The following RUFY3 variants were observed in gnomAD, a reference collection of about 807,000 sequenced individuals.
RUFY3 encodes protein RUFY3.
Under a neutral mutation model 84.0 loss-of-function variants are expected in RUFY3, and 34 were observed. That is an observed-to-expected ratio of 0.40 (90% confidence interval 0.31 to 0.54). The LOEUF is 0.54. RUFY3 is among the 20% of genes least tolerant of loss of function. The pLI, the probability that RUFY3 is intolerant of heterozygous loss-of-function variation, is 0.39. For synonymous variants in RUFY3, 242 were observed against 252.9 expected, an observed-to-expected ratio of 0.96 and a Z score of 0.41; for missense variants, 507 against 736.8, an observed-to-expected ratio of 0.69 and a Z score of 3.61.
intron 1 of RUFY3, among the ~76,000 whole-genome samples, chr4:70,741,434 C>T (rs1019313270): frequency 1.3e-5 from 2 of 152,054 alleles, no homozygotes; most frequent in Non-Finnish European, 2.9e-5. Flanking sequence ...ATTTAATAAC[C>T]GTAGTTGCTA....
intron 17 of RUFY3, 116 bp from the exon 18 acceptor site, chr4:70,806,400 C>A: frequency 8.5e-7 from 1 of 1,178,822 alleles, no homozygotes; most frequent in Non-Finnish European, 1.2e-6. Flanking sequence ...ACATAGTAAA[C>A]ATTCAGTCAT....
rs914478393 is a variant in RUFY3, at chr4:70,742,720, A to T, written c.179-19799A>T. Among the ~76,000 whole-genome samples, 4 of 152,188 alleles carry T rather than the reference A, an allele frequency of 2.6e-5. No individual in the cohort carries two copies. In the East Asian group the frequency reaches 7.7e-4, roughly 29 times the overall value. ...TGTCTTAAACTTCTTGGTATCCTTAATCAGACCTGGGACGAGTACTGCCCT... is the reference window on the plus strand; with the variant it reads ...TGTCTTAAACTTCTTGGTATCCTTATTCAGACCTGGGACGAGTACTGCCCT... On this transcript the variant is annotated intron_variant, in intron 1 of 17. Transcript: ENST00000381006.
chr4:70,750,297 G>A (rs1722923379), intron 1 of RUFY3, among the ~76,000 whole-genome samples: 1 of 152,022 alleles, frequency 6.6e-6, no homozygotes, highest in Admixed American at 6.6e-5. Context: ...TTTTGTTTCT[G>A]GAGCATTTTA....
In RUFY3 at chr4:70,808,146, T is replaced by G. The variant is rs1285012576; in HGVS notation, c.*1487T>G. Among the ~76,000 whole-genome samples the G allele has an allele frequency of 6.6e-6, 1 of 152,208 alleles. No individual in the cohort carries two copies. Among genetic ancestry groups the G allele is most frequent in the Non-Finnish European group, 1.5e-5 (1 of 68,032 alleles). Reference sequence around the variant, plus strand: ...ATTTGCATGGATTCAACATAGTGCTTGGTGTTCAGTAAATTCAAGTTTTGC... The same window carrying G: ...ATTTGCATGGATTCAACATAGTGCTGGGTGTTCAGTAAATTCAAGTTTTGC... On this transcript the variant is annotated 3_prime_UTR_variant, in exon 18 of 18. Coordinates refer to ENST00000381006, the MANE Select transcript of RUFY3 (RefSeq NM_001037442.4).
intron 1 of RUFY3, 40 bp downstream of exon 1, chr4:70,722,791 C>G (rs373578197): frequency 6.3e-6 from 10 of 1,586,714 alleles, no homozygotes; most frequent in Non-Finnish European, 8.6e-6. Flanking sequence ...CACCAGCATC[C>G]TCATTGTTAT....
At chr4:70,746,206 A>G (rs895866648) in intron 1 of RUFY3, among the ~76,000 whole-genome samples, 1 of 152,136 alleles carries the variant, frequency 6.6e-6, no homozygotes, top group African/African-American at 2.4e-5. Flanking sequence ...TTAGCCAGGT[A>G]TGGTGGCAGG....
intron 8 of RUFY3, 135 bp downstream of exon 8, chr4:70,778,573 CTTTTTT>C: frequency 2.3e-4 from 34 of 149,710 alleles, no homozygotes; most frequent in East Asian, 3.6e-4. Flanking sequence ...ACTTCTTATT[CTTTTTT>C]TTTTTTTTTT....
At chr4:70,715,391 C>A (rs1741442506) in intron 1 of RUFY3, among the ~76,000 whole-genome samples, 1 of 151,886 alleles carries the variant, frequency 6.6e-6, no homozygotes, top group Admixed American at 6.6e-5. Flanking sequence ...CAAGACCAGG[C>A]TGGCCAACAT....
intron 3 of RUFY3, among the ~76,000 whole-genome samples, chr4:70,763,972 AG>A: frequency 6.6e-6 from 1 of 152,172 alleles, no homozygotes; most frequent in East Asian, 1.9e-4. Context: ...TACTTGACTT[AG>A]GGAAAAAAGG....
At chr4:70,773,941 G>A (rs1287844644) in intron 6 of RUFY3, among the ~76,000 whole-genome samples, 1 of 152,146 alleles carries the variant, frequency 6.6e-6, no homozygotes, top group Non-Finnish European at 1.5e-5. Context: ...GCACTGTGAG[G>A]TTATGTAAAA....
chr4:70,746,445 T>C (rs2148660963), intron 1 of RUFY3, among the ~76,000 whole-genome samples: 1 of 149,042 alleles, frequency 6.7e-6, no homozygotes, highest in South Asian at 2.1e-4. Flanking sequence ...AGTTGGAGGT[T>C]GCAGTGAGCC....
At chr4:70,800,334 A>T in intron 15 of RUFY3, 129 bp downstream of exon 15, 1 of 653,736 alleles carries the variant, frequency 1.5e-6, no homozygotes, top group Non-Finnish European at 2.5e-6. Flanking sequence ...TGCCAGGAAG[A>T]CATTTGAAGT....
chr4:70,790,331 G>T (rs534638547), intron 12 of RUFY3, among the ~76,000 whole-genome samples: 16 of 152,168 alleles, frequency 1.1e-4, no homozygotes, highest in African/African-American at 3.6e-4. Flanking sequence ...TGAATGTGAC[G>T]TGGTACCCAA....
chr4:70,704,929 G>A (rs1740080961), exon 1 of RUFY3: 1 of 1,217,250 alleles, frequency 8.2e-7, no homozygotes, highest in Non-Finnish European at 1.0e-6. Context: ...GCGAAGGAAG[G>A]AGTGAGCATG....
At chr4:70,705,012 C>A in exon 1 of RUFY3, 1 of 1,224,314 alleles carries the variant, frequency 8.2e-7, no homozygotes, top group Non-Finnish European at 1.0e-6. Context: ...CGGGGAGTGG[C>A]GGCCGGAGGA....
intron 12 of RUFY3, chr4:70,792,927 G>A (rs1191075794): frequency 1.0e-6 from 1 of 985,312 alleles, no homozygotes; most frequent in East Asian, 1.1e-4. Flanking sequence ...TTGTGGTGAT[G>A]GGTTGCCTTT....
At position 70,769,338 on chromosome 4, in the gene RUFY3, A is replaced by T. The variant is rs182408393; in HGVS notation, c.696+677A>T. Among the ~76,000 whole-genome samples, 102 of 152,302 alleles carry T rather than the reference A, an allele frequency of 6.7e-4. 1 individual carries two copies. The highest frequency in any genetic ancestry group is 6.2e-3 in the South Asian group (30 of 4,828). ...GTCTCAAAATAAAACTCTAAAAAAAATTTTTTAAATAAAAAGTTTGTTTGC... is the reference window on the plus strand; with the variant it reads ...GTCTCAAAATAAAACTCTAAAAAAATTTTTTTAAATAAAAAGTTTGTTTGC... On this transcript the variant is annotated intron_variant, in intron 5 of 17. Transcript: ENST00000381006.
At chr4:70,794,029 A>G in intron 13 of RUFY3, 125 bp downstream of exon 13, 4 of 1,031,264 alleles carry the variant, frequency 3.9e-6, no homozygotes, top group Non-Finnish European at 5.5e-6. Context: ...TTTCTCTGGA[A>G]TTGGAATTCA....
chr4:70,801,163 CAAAA>C (rs561597683), intron 15 of RUFY3, among the ~76,000 whole-genome samples: 5 of 64,266 alleles, frequency 7.8e-5, no homozygotes, highest in Admixed American at 1.6e-4. Flanking sequence ...ACTATGGAGA[CAAAA>C]AAAAAAAAAA....
Sources: gnomAD v4.1 joint callset for allele counts (sites outside exome capture counted in the v4.1 genomes callset) on GRCh38, gnomAD v4.1.1 for gene constraint, MANE v1.5 for transcripts, NCBI Gene and HGNC (gene_info 2026-07-23, HGNC 2026-07-21) for gene names.